PDS5B: variants seen among roughly 807,000 people sequenced by gnomAD.
The protein encoded by PDS5B is sister chromatid cohesion protein PDS5 homolog B.
Under a neutral mutation model 184.1 loss-of-function variants are expected in PDS5B, and 51 were observed. That is an observed-to-expected ratio of 0.28 (90% CI 0.22 to 0.35). The LOEUF (loss-of-function observed/expected upper bound fraction) is 0.35, where lower values mean the gene tolerates loss of function less well. PDS5B is among the 10% of genes least tolerant of loss of function. PDS5B has a pLI of 1.00. For missense variants in PDS5B, 1,180 were observed against 1,723.3 expected (o/e 0.68, Z 5.58); for synonymous variants, 566 against 569.2 (o/e 0.99, Z 0.08).
At chr13:32,645,992 G>GGGTGTGT (rs138850221) in intron 1 of PDS5B, among the ~76,000 whole-genome samples, 55,811 of 150,148 alleles carry the variant, frequency 0.37, 10,850 homozygotes, top group Non-Finnish European at 0.44. Context: ...GTGGGTGTGT[G>GGGTGTGT]GGTGTGTGGT....
chr13:32,768,253 G>A (rs1286806995), intron 31 of PDS5B, among the ~76,000 whole-genome samples: 6 of 152,266 alleles, frequency 3.9e-5, no homozygotes, highest in Non-Finnish European at 7.4e-5. Flanking sequence ...GGTTACAGAT[G>A]CCACCTTCTC....
At chr13:32,639,940 G>C (rs1014238540) in intron 1 of PDS5B, among the ~76,000 whole-genome samples, 6 of 152,122 alleles carry the variant, frequency 3.9e-5, no homozygotes, top group Non-Finnish European at 1.5e-5. Context: ...GGCAGATGCC[G>C]GTCTTTATTT....
chr13:32,736,797 T>C (rs1172592596), intron 21 of PDS5B, among the ~76,000 whole-genome samples: 1 of 152,180 alleles, frequency 6.6e-6, no homozygotes, highest in Non-Finnish European at 1.5e-5. Flanking sequence ...GACACACTTT[T>C]GTGTACTTTT....
intron 1 of PDS5B, among the ~76,000 whole-genome samples, chr13:32,589,969 G>A (rs766547867): frequency 1.3e-5 from 2 of 152,146 alleles, no homozygotes; most frequent in Non-Finnish European, 2.9e-5. Context: ...GAATAAATTT[G>A]CTGTGTTGAG....
At chr13:32,617,512 C>T (rs996534558) in intron 1 of PDS5B, among the ~76,000 whole-genome samples, 1 of 152,164 alleles carries the variant, frequency 6.6e-6, no homozygotes, top group Non-Finnish European at 1.5e-5. Context: ...TTGTTTCTTG[C>T]ACATATAACT....
At chr13:32,667,709 A>C in intron 6 of PDS5B, 55 bp from the exon 7 acceptor site, 1 of 1,003,298 alleles carries the variant, frequency 1.0e-6, no homozygotes, top group South Asian at 1.5e-5. Flanking sequence ...TACAGGTAAT[A>C]TTTTGCTTTT....
chr13:32,707,362 C>A (rs902779638), intron 18 of PDS5B, among the ~76,000 whole-genome samples: 1 of 151,388 alleles, frequency 6.6e-6, no homozygotes, highest in Non-Finnish European at 1.5e-5. Context: ...TTTTTTGTTT[C>A]ATAAAATATT....
At chr13:32,673,609 C>A (rs1441733905) in intron 8 of PDS5B, among the ~76,000 whole-genome samples, 1 of 152,050 alleles carries the variant, frequency 6.6e-6, no homozygotes, top group African/African-American at 2.4e-5. Context: ...CAGATAAATT[C>A]TAGGATTTGA....
intron 7 of PDS5B, among the ~76,000 whole-genome samples, chr13:32,671,736 A>G (rs1374131841): frequency 6.6e-6 from 1 of 152,234 alleles, no homozygotes; most frequent in Non-Finnish European, 1.5e-5. Context: ...AAAGACATAG[A>G]AATATGAAAT....
At chr13:32,668,398 A>C (rs2301391) in intron 7 of PDS5B, among the ~76,000 whole-genome samples, 1 of 152,016 alleles carries the variant, frequency 6.6e-6, no homozygotes, top group Non-Finnish European at 1.5e-5. Flanking sequence ...TTTCAGTATC[A>C]CCCCAAATCT....
At chr13:32,683,771 C>A in intron 10 of PDS5B, 107 bp from the exon 11 acceptor site, 2 of 658,734 alleles carry the variant, frequency 3.0e-6, no homozygotes, top group East Asian at 6.3e-5. Flanking sequence ...CTTGAAACTT[C>A]TATGTAGGTA....
chr13:32,634,827 C>T (rs936904005), intron 1 of PDS5B, among the ~76,000 whole-genome samples: 9 of 152,126 alleles, frequency 5.9e-5, no homozygotes, highest in Admixed American at 2.0e-4. Context: ...GTGATCCACC[C>T]GCCTCGGCCT....
intron 1 of PDS5B, among the ~76,000 whole-genome samples, chr13:32,643,728 G>A (rs959526923): frequency 5.9e-5 from 9 of 152,120 alleles, no homozygotes; most frequent in African/African-American, 2.2e-4. Context: ...AGAAGCAATA[G>A]GCTATACCAT....
chr13:32,682,676 A>G (rs997081761), intron 10 of PDS5B, among the ~76,000 whole-genome samples: 3 of 152,204 alleles, frequency 2.0e-5, no homozygotes, highest in East Asian at 3.9e-4. Flanking sequence ...ATACATGTTT[A>G]TAAGAGACAG....
In PDS5B at chr13:32,773,322, A is replaced by T; in HGVS notation, c.4306A>T (p.Asn1436Tyr). The T allele has an allele frequency of 1.9e-6, 3 of 1,608,904 alleles. No homozygotes were observed. The highest frequency in any genetic ancestry group is 2.5e-6 in the Non-Finnish European group (3 of 1,178,158). ...ETEEEEVSTV[N>Y]VRRRSAKRER... is the part of the protein sequence containing the mutation. ...AGAGGAGGAGGAAGTTTCTACAGTA[A>T]ATGTATGTGTTCAAAGTTTCTGTGA... is the stretch of plus-strand genomic sequence containing the variant. The change falls in exon 34 of 35, where the codon AAT becomes TAT. Residue 1436 changes from asparagine to tyrosine, a missense_variant and splice_region_variant. Asn to Tyr is a moderately radical substitution (Grantham distance 143). This residue lies in a region of PDS5B where 465 missense variants were observed against 497.8 expected (regional missense o/e 0.93). Coordinates refer to ENST00000315596, the MANE Select transcript of PDS5B (RefSeq NM_015032.4).
At chr13:32,697,032 C>G (rs984950985) in intron 15 of PDS5B, 130 bp downstream of exon 15, 5 of 556,320 alleles carry the variant, frequency 9.0e-6, no homozygotes, top group Admixed American at 7.2e-5. Context: ...TAGTGTCTTA[C>G]ATGAGCTAGA....
chr13:32,650,862 A>G (rs968130572), intron 2 of PDS5B, among the ~76,000 whole-genome samples: 12 of 152,220 alleles, frequency 7.9e-5, no homozygotes, highest in African/African-American at 1.4e-4. Flanking sequence ...GTTGCAGCAT[A>G]AAGGACCAAG....
chr13:32,766,710 T>G (rs928295603), intron 31 of PDS5B, among the ~76,000 whole-genome samples: 1 of 152,194 alleles, frequency 6.6e-6, no homozygotes, highest in Non-Finnish European at 1.5e-5. Flanking sequence ...TTCCTGTCTT[T>G]TGCTTCTAAC....
chr13:32,682,465 G>T (rs1951274462), intron 10 of PDS5B, among the ~76,000 whole-genome samples: 1 of 151,998 alleles, frequency 6.6e-6, no homozygotes, highest in Admixed American at 6.6e-5. Context: ...ATCCTGTTTT[G>T]TTAATTTATT....
Sources: gnomAD v4.1 joint callset for allele counts (sites outside exome capture counted in the v4.1 genomes callset) on GRCh38, gnomAD v4.1.1 for gene constraint, gnomAD v4.1.1 regional missense constraint, MANE v1.5 for transcripts, NCBI Gene and HGNC (gene_info 2026-07-23, HGNC 2026-07-21) for gene names.